The following ZKSCAN3 variants were observed in gnomAD, a reference collection of about 807,000 sequenced individuals.
The protein encoded by ZKSCAN3 is zinc finger protein with KRAB and SCAN domains 3.
A neutral mutation model predicts 30.7 loss-of-function variants in ZKSCAN3; 21 were observed. That is an observed-to-expected ratio of 0.68 (90% CI 0.49 to 0.99). ZKSCAN3 has a LOEUF of 0.99. Ranked by LOEUF, ZKSCAN3 falls within the 50% of genes least tolerant of loss-of-function variation. The pLI, the probability that ZKSCAN3 is intolerant of heterozygous loss-of-function variation, is 0.00. For missense variants in ZKSCAN3, 507 were observed against 647.1 expected (o/e 0.78, Z 2.35); for synonymous variants, 201 against 246.7 (o/e 0.81, Z 1.73).
chr6:28,360,977 AG>A (rs1765742421), intron 2 of ZKSCAN3, among the ~76,000 whole-genome samples: 1 of 151,702 alleles, frequency 6.6e-6, no homozygotes, highest in African/African-American at 2.4e-5. Flanking sequence ...AGATAATAAA[AG>A]GTATTAATAT....
chr6:28,364,057 T>C (rs13199081), intron 5 of ZKSCAN3, among the ~76,000 whole-genome samples: 44,117 of 151,900 alleles, frequency 0.29, 7,153 homozygotes, highest in African/African-American at 0.44. Context: ...GCAGCCTCAA[T>C]GTTTTGGGCT....
chr6:28,359,357 C>A (rs1022078343), intron 1 of ZKSCAN3, among the ~76,000 whole-genome samples, 168 bp from the exon 2 acceptor site: 1 of 151,998 alleles, frequency 6.6e-6, no homozygotes, highest in Non-Finnish European at 1.5e-5. Context: ...CCTTTGGGAA[C>A]CTTACTATGG....
intron 5 of ZKSCAN3, 144 bp downstream of exon 5, chr6:28,363,959 CT>C: frequency 9.5e-7 from 1 of 1,053,724 alleles, no homozygotes; most frequent in Non-Finnish European, 1.3e-6. Context: ...TGACTAGCTC[CT>C]TACCCTTTCT....
chr6:28,359,391 A>G (rs1765636546), intron 1 of ZKSCAN3, 134 bp from the exon 2 acceptor site: 1 of 659,032 alleles, frequency 1.5e-6, no homozygotes, highest in Non-Finnish European at 2.5e-6. Flanking sequence ...GGTGGTGTAG[A>G]GGATTAAGCT....
Position 28,366,107 on chromosome 6 carries a change from A to C in ZKSCAN3, c.1439A>C (p.Tyr480Ser). 1 of 1,610,330 alleles carries C rather than the reference A, an allele frequency of 6.2e-7. No individual in the cohort carries two copies. The highest frequency in any genetic ancestry group is 8.5e-7 in the Non-Finnish European group (1 of 1,178,646). ...GAAAATGTTGAAACTCCCATGTCTT[A>C]TAAATGTAATGAGTGTGAAAGAAGT... The part of the protein sequence containing the change: ...QLENVETPMS[Y>S]KCNECERSFT... The change falls in exon 6 of 6, where the codon TAT (tyrosine) becomes TCT (serine). Residue 480 changes from tyrosine (Y) to serine (S), a missense_variant. Physicochemically the swap from Tyr to Ser is moderately radical, Grantham distance 144. Coordinates refer to ENST00000252211, the MANE Select transcript of ZKSCAN3 (RefSeq NM_024493.4).
chr6:28,356,361 T>C (rs1335825731), intron 1 of ZKSCAN3: 2 of 152,260 alleles, frequency 1.3e-5, no homozygotes, highest in African/African-American at 4.8e-5. Flanking sequence ...GACCACACTG[T>C]AATTAAAGAA....
At chr6:28,364,328 TAGTTA>T (rs1765877514) in intron 5 of ZKSCAN3, among the ~76,000 whole-genome samples, 1 of 152,148 alleles carries the variant, frequency 6.6e-6, no homozygotes, top group African/African-American at 2.4e-5. Context: ...GCCAGTATTC[TAGTTA>T]AGTTAAATGG....
Position 28,359,555 on chromosome 6 carries a change from A to G in ZKSCAN3, c.-32A>G, listed in dbSNP as rs1283371450. On this transcript the variant is annotated 5_prime_UTR_variant, in exon 2 of 6. Transcript: ENST00000252211. ...TTCTGCAGAAATAGCGCTGGAAGCTAGAGTGAGGCCTGAGTACTGCCTTGG... is the reference window on the plus strand; with the variant it reads ...TTCTGCAGAAATAGCGCTGGAAGCTGGAGTGAGGCCTGAGTACTGCCTTGG... 1.9e-6 allele frequency: 3 copies of G among 1,594,444 alleles called. No homozygotes were observed. Among genetic ancestry groups the G allele is most frequent in the Non-Finnish European group, 2.6e-6 (3 of 1,168,606 alleles).
At chr6:28,360,702 C>T (rs2113920489) in intron 2 of ZKSCAN3, 1 of 985,420 alleles carries the variant, frequency 1.0e-6, no homozygotes, top group East Asian at 1.1e-4. Flanking sequence ...TACCAGGGTT[C>T]TTGACTTGGG....
intron 1 of ZKSCAN3, among the ~76,000 whole-genome samples, chr6:28,352,966 T>TTTTC (rs1439268335): frequency 1.9e-5 from 1 of 51,842 alleles, no homozygotes; most frequent in African/African-American, 2.3e-4. Flanking sequence ...TTCTTTTTCT[T>TTTTC]TTTTTTTTTT....
chr6:28,360,642 ACACC>A, intron 2 of ZKSCAN3: 1 of 985,358 alleles, frequency 1.0e-6, no homozygotes, highest in African/African-American at 1.7e-5. Context: ...CCCTGTGCAC[ACACC>A]CTCAGAGGAC....
At position 28,359,691 on chromosome 6, in the gene ZKSCAN3, C is replaced by A; in HGVS notation, c.105C>A (p.Pro35=). 6.2e-7 allele frequency: 1 copy of A among 1,614,208 alleles called. No homozygotes were observed. The highest frequency in any genetic ancestry group is 8.5e-7 in the Non-Finnish European group (1 of 1,180,044). ...TGGAGGAAGAAGAAGCCGGTTTTCCCAGTAGCCCAGATCTGGGTTCTGAGG... is the reference window on the plus strand; with the variant it reads ...TGGAGGAAGAAGAAGCCGGTTTTCCAAGTAGCCCAGATCTGGGTTCTGAGG... ...IKVEEEEAGF[P]SSPDLGSEGS... The change falls in exon 2 of 6, where the codon CCC becomes CCA. Residue 35 remains proline, a synonymous_variant. Coordinates refer to ENST00000252211, the MANE Select transcript of ZKSCAN3 (RefSeq NM_024493.4).
rs145181470 is a variant in ZKSCAN3, at chr6:28,365,544, A to G, written c.876A>G (p.Ala292=). 5.3e-5 allele frequency: 86 copies of G among 1,614,282 alleles called. No individual in the cohort carries two copies. The African/African-American group carries it at 9.1e-4, about 17-fold the overall frequency. Residue 292 remains alanine (A), a synonymous_variant, in exon 6 of 6, where the codon GCA becomes GCG. Coordinates refer to ENST00000252211, the MANE Select transcript of ZKSCAN3 (RefSeq NM_024493.4). ...REDIAQIPTC[A]EAGEQEGRLQ... ...ACATTGCCCAGATTCCTACATGTGC[A>G]GAAGCTGGTGAACAGGAGGGCAGGC...
chr6:28,366,487 C>A lies in ZKSCAN3; in HGVS notation c.*202C>A. 2.0e-6 allele frequency: 1 copy of A among 490,172 alleles called. No individual in the cohort carries two copies. Among genetic ancestry groups the A allele is most frequent in the Non-Finnish European group, 3.3e-6 (1 of 299,750 alleles). 30.4% of individuals were successfully genotyped at this position (490,172 alleles called of 1,614,324 possible). ...TAATCAAAACATATTTGATAGGAGG[C>A]TACGGGAGAGTTGTCTAGAAGAGGT... On this transcript the variant is annotated 3_prime_UTR_variant, in exon 6 of 6. Transcript: ENST00000252211.
rs910177573 is a variant in ZKSCAN3 at position 28,367,070 on chromosome 6, C to T, written c.*785C>T. On this transcript the variant is annotated 3_prime_UTR_variant, in exon 6 of 6. Transcript: ENST00000252211. Reference sequence around the variant, plus strand: ...TAGCTGGGATTACAGGTGTGTGCCACCATGCCCGGCTAATTTTTTATGTTT... The same window carrying T: ...TAGCTGGGATTACAGGTGTGTGCCATCATGCCCGGCTAATTTTTTATGTTT... 6.6e-6 allele frequency: 1 copy of T among 152,238 alleles called. No individual in the cohort carries two copies. Among genetic ancestry groups the T allele is most frequent in the Non-Finnish European group, 1.5e-5 (1 of 68,136 alleles). The allele number at this position is 152,238 out of a possible 1,614,324, so 9.4% of individuals were successfully genotyped here.
chr6:28,367,742 A>G lies in ZKSCAN3; in HGVS notation c.*1457A>G, dbSNP rs769380676. The G allele has an allele frequency of 6.8e-6, 1 of 146,656 alleles. No homozygotes were observed. Among genetic ancestry groups the G allele is most frequent in the Non-Finnish European group, 1.5e-5 (1 of 66,870 alleles). The allele number at this position is 146,656 out of a possible 1,614,324, so 9.1% of individuals were successfully genotyped here. On this transcript the variant is annotated 3_prime_UTR_variant, in exon 6 of 6. Coordinates refer to ENST00000252211, the MANE Select transcript of ZKSCAN3 (RefSeq NM_024493.4). ...ACCAAATTTTTTTTTTTTTTTTTAG[A>G]CGGAGTCTTCTCTGTCACCCAGGCT...
At position 28,367,975 on chromosome 6, in the gene ZKSCAN3, G is replaced by C. The variant is rs1267997294; in HGVS notation, c.*1690G>C. 1 of 151,536 alleles carries C rather than the reference G, an allele frequency of 6.6e-6. No individual in the cohort carries two copies. Among genetic ancestry groups the C allele is most frequent in the Non-Finnish European group, 1.5e-5 (1 of 67,938 alleles). 9.4% of individuals were successfully genotyped at this position (151,536 alleles called of 1,614,324 possible). ...ATATGTATACATGTGCCATGTTGGT[G>C]TGCTGCACCCATTAACTCGTCATTT... is the stretch of plus-strand genomic sequence containing the variant. On this transcript the variant is annotated 3_prime_UTR_variant, in exon 6 of 6. Transcript: ENST00000252211.
intron 1 of ZKSCAN3, among the ~76,000 whole-genome samples, chr6:28,358,947 A>AT (rs1203641271): frequency 1.3e-5 from 2 of 150,526 alleles, no homozygotes; most frequent in Non-Finnish European, 3.0e-5. Flanking sequence ...TTCCAGTTCT[A>AT]TAGGTCAGAA....
intron 1 of ZKSCAN3, among the ~76,000 whole-genome samples, chr6:28,354,621 T>A (rs1765301952): frequency 6.6e-6 from 1 of 152,250 alleles, no homozygotes. Context: ...GCCACAGTAA[T>A]ACAGGGAGCA....
Sources: allele counts gnomAD v4.1 joint callset (sites outside exome capture counted in the v4.1 genomes callset), GRCh38; gene constraint gnomAD v4.1.1; transcripts MANE v1.5; gene names NCBI Gene and HGNC (gene_info 2026-07-23, HGNC 2026-07-21).